The following SLC39A12 variants were observed in gnomAD, a reference collection of about 807,000 sequenced individuals.
The protein encoded by SLC39A12 is zinc transporter ZIP12.
SLC39A12 carries 63 observed loss-of-function variants against 71.1 expected under a neutral mutation model. The ratio of observed to expected loss-of-function variants is 0.89; its 90% confidence interval spans 0.72 to 1.09. The LOEUF (loss-of-function observed/expected upper bound fraction) is 1.09, where lower values mean the gene tolerates loss of function less well. Ranked by LOEUF, SLC39A12 falls within the 50% of genes least tolerant of loss-of-function variation. The probability of loss-of-function intolerance (pLI) is 0.00; values close to 1 mark genes in which losing one functional copy is unlikely to be tolerated. For synonymous variants in SLC39A12, 351 were observed against 301.3 expected, an observed-to-expected ratio of 1.16 and a Z score of -1.71; for missense variants, 892 against 812.6, an observed-to-expected ratio of 1.10 and a Z score of -1.19.
At position 18,000,673 on chromosome 10, in the gene SLC39A12, C is replaced by G; in HGVS notation, c.1607C>G (p.Ala536Gly). The change falls in exon 11 of 13, where the codon GCC becomes GGC. Residue 536 changes from alanine to glycine, a missense_variant. Coordinates refer to ENST00000377369, the MANE Select transcript of SLC39A12 (RefSeq NM_001145195.2). ...TGTTTATTTGGTTCCTTAGGTAAAG[C>G]CATTAGCTTGTTAGCAATCATGATT... is the stretch of plus-strand genomic sequence containing the variant. ...SMTASNRKCK[A>G]ISLLAIMILV... is the part of the protein sequence containing the mutation. The G allele has an allele frequency of 6.2e-7, 1 of 1,614,068 alleles. No individual in the cohort carries two copies.
chr10:17,986,280 G>A (rs1835394033), intron 6 of SLC39A12, among the ~76,000 whole-genome samples: 1 of 152,196 alleles, frequency 6.6e-6, no homozygotes, highest in Non-Finnish European at 1.5e-5. Context: ...TTTTTAGTAA[G>A]GGGTAGTCAG....
intron 10 of SLC39A12, among the ~76,000 whole-genome samples, chr10:17,995,999 A>C (rs1283413053): frequency 6.6e-6 from 1 of 152,184 alleles, no homozygotes; most frequent in Non-Finnish European, 1.5e-5. Flanking sequence ...ATGTAAACAC[A>C]TGTGTGTTTA....
At chr10:17,993,547 C>T (rs182031569) in intron 9 of SLC39A12, among the ~76,000 whole-genome samples, 10 of 152,322 alleles carry the variant, frequency 6.6e-5, no homozygotes, top group African/African-American at 2.4e-4. Flanking sequence ...AGACTGACAT[C>T]ATAGACACGT....
At chr10:18,022,249 C>T (rs2497770) in intron 12 of SLC39A12, among the ~76,000 whole-genome samples, 90,226 of 151,558 alleles carry the variant, frequency 0.6, 27,645 homozygotes, top group Non-Finnish European at 0.68. Flanking sequence ...TCCGTGTCTT[C>T]CAGGAATGCC....
intron 12 of SLC39A12, among the ~76,000 whole-genome samples, chr10:18,035,857 C>A (rs1836990830): frequency 6.6e-6 from 1 of 152,168 alleles, no homozygotes; most frequent in African/African-American, 2.4e-5. Flanking sequence ...TTTTAGTTTT[C>A]CGTCTAACAG....
At chr10:17,973,416 T>G (rs184298617) in intron 4 of SLC39A12, among the ~76,000 whole-genome samples, 2 of 152,294 alleles carry the variant, frequency 1.3e-5, no homozygotes. Flanking sequence ...CTTATAGGAC[T>G]GGTCTAGAAT....
intron 12 of SLC39A12, among the ~76,000 whole-genome samples, chr10:18,028,744 G>T (rs547680681): frequency 1.3e-5 from 2 of 152,010 alleles, no homozygotes; most frequent in African/African-American, 4.8e-5. Context: ...TTTTGAGATG[G>T]AATCTCACTC....
intron 12 of SLC39A12, among the ~76,000 whole-genome samples, chr10:18,012,885 A>T (rs866598144): frequency 1.4e-5 from 2 of 140,064 alleles, no homozygotes; most frequent in African/African-American, 5.2e-5. Context: ...AAAAAAAAAA[A>T]GGGCTTAAAT....
chr10:18,042,667 T>C lies in SLC39A12; in HGVS notation c.1948-38T>C, dbSNP rs1837290970. 4 of 1,583,690 alleles carry C rather than the reference T, an allele frequency of 2.5e-6. No homozygotes were observed. In the East Asian group the frequency reaches 6.9e-5, roughly 27 times the overall value. On this transcript the variant is annotated intron_variant, in intron 12 of 12. Transcript: ENST00000377369. Reference sequence around the variant, plus strand: ...CCAAGCTTTTCCCAGCAGTTGAATATATCTGGATCTTATTCTGGTTTTTTA... The same window carrying C: ...CCAAGCTTTTCCCAGCAGTTGAATACATCTGGATCTTATTCTGGTTTTTTA...
At chr10:17,971,305 C>T (rs1834969567) in intron 4 of SLC39A12, among the ~76,000 whole-genome samples, 1 of 118,678 alleles carries the variant, frequency 8.4e-6, no homozygotes, top group Non-Finnish European at 1.7e-5. Context: ...CCCTTCCTTT[C>T]CTGATGTGTC....
At chr10:18,018,929 T>C (rs955040201) in intron 12 of SLC39A12, among the ~76,000 whole-genome samples, 3 of 152,154 alleles carry the variant, frequency 2.0e-5, no homozygotes, top group Non-Finnish European at 2.9e-5. Flanking sequence ...ATATTCCTTC[T>C]ACTTCTATCT....
At chr10:18,041,955 C>G (rs1259437959) in intron 12 of SLC39A12, among the ~76,000 whole-genome samples, 2 of 150,746 alleles carry the variant, frequency 1.3e-5, no homozygotes, top group Admixed American at 1.3e-4. Flanking sequence ...CCTTACTGTT[C>G]TAAAGATCAG....
intron 12 of SLC39A12, among the ~76,000 whole-genome samples, chr10:18,036,779 TATATATATATATA>T (rs1297400357): frequency 0.052 from 853 of 16,562 alleles, 66 homozygotes; most frequent in African/African-American, 0.12. Flanking sequence ...TATATATATA[TATATATATATATA>T]TATTTTTTTT....
chr10:18,027,363 G>T (rs1160342821), intron 12 of SLC39A12, among the ~76,000 whole-genome samples: 2 of 152,242 alleles, frequency 1.3e-5, no homozygotes, highest in African/African-American at 4.8e-5. Flanking sequence ...TGGTTAACCA[G>T]TTTCCCCTGA....
chr10:18,036,573 A>G (rs192468629), intron 12 of SLC39A12, among the ~76,000 whole-genome samples: 1,532 of 151,624 alleles, frequency 0.01, 21 homozygotes, highest in African/African-American at 0.03. Flanking sequence ...AGATGAACCC[A>G]GTACCTCAGG....
chr10:18,016,220 G>C (rs1836379333), intron 12 of SLC39A12, among the ~76,000 whole-genome samples: 2 of 152,174 alleles, frequency 1.3e-5, no homozygotes, highest in African/African-American at 4.8e-5. Context: ...CCAAATCCCT[G>C]TCAACCACTA....
chr10:17,969,946 G>T (rs1253779953), intron 4 of SLC39A12, among the ~76,000 whole-genome samples: 3 of 148,080 alleles, frequency 2.0e-5, no homozygotes, highest in East Asian at 3.9e-4. Context: ...AATCCATTTT[G>T]ATTTGATTTG....
chr10:17,977,822 T>C, intron 4 of SLC39A12, 80 bp from the exon 5 acceptor site: 1 of 1,030,510 alleles, frequency 9.7e-7, no homozygotes, highest in Non-Finnish European at 1.3e-6. Context: ...AGGGAATATC[T>C]ATGCTGTAGC....
At chr10:17,966,842 C>T (rs915639863) in intron 4 of SLC39A12, among the ~76,000 whole-genome samples, 6 of 151,708 alleles carry the variant, frequency 4.0e-5, no homozygotes, top group East Asian at 2.0e-4. Context: ...GGCGTGGTGG[C>T]GTGTGCCTGT....
Sources: allele counts gnomAD v4.1 joint callset (sites outside exome capture counted in the v4.1 genomes callset), GRCh38; gene constraint gnomAD v4.1.1; transcripts MANE v1.5; gene names NCBI Gene and HGNC (gene_info 2026-07-23, HGNC 2026-07-21).